LRRC72: variants seen among roughly 807,000 people sequenced by gnomAD.
LRRC72 encodes the protein leucine rich repeat containing 72, also known as leucine-rich repeat-containing protein 72.
Under a neutral mutation model 35.8 loss-of-function variants are expected in LRRC72, and 41 were observed. The observed-to-expected ratio is 1.15, with a 90% confidence interval of 0.89 to 1.49. The LOEUF (loss-of-function observed/expected upper bound fraction) is 1.49, where lower values mean the gene tolerates loss of function less well. Among genes scored for constraint, LRRC72 ranks in the 40% most tolerant of loss-of-function variants. The probability of loss-of-function intolerance (pLI) is 0.00; values close to 1 mark genes in which losing one functional copy is unlikely to be tolerated. For missense variants in LRRC72, 389 were observed against 330.7 expected (o/e 1.18, Z -1.37); for synonymous variants, 118 against 119.2 (o/e 0.99, Z 0.07).
chr7:16,532,888 G>A, intron 2 of LRRC72: 1 of 324,590 alleles, frequency 3.1e-6, no homozygotes, highest in South Asian at 3.4e-5. Context: ...ACATCCAGTT[G>A]AATTTGAATT....
intron 5 of LRRC72, 122 bp from the exon 6 acceptor site, chr7:16,566,191 T>C (rs1782834981): frequency 1.7e-6 from 1 of 586,052 alleles, no homozygotes; most frequent in African/African-American, 1.9e-5. Context: ...TTGCTTGATA[T>C]GGAGAAGAGC....
intron 5 of LRRC72, among the ~76,000 whole-genome samples, chr7:16,563,575 T>C (rs1367940546): frequency 6.6e-6 from 1 of 152,204 alleles, no homozygotes; most frequent in African/African-American, 2.4e-5. Context: ...ATAGAAGGCT[T>C]TCAGAACATT....
chr7:16,526,946 T>TCCTTCG lies in LRRC72; in HGVS notation c.-7_-6insCCTTCG. Reference sequence around the variant, plus strand: ...ATCACCGCTGCTTCGGCCGCCCATGTGTCCTGATGTCCTGGGACCCGAACC... The same window carrying TCCTTCG: ...ATCACCGCTGCTTCGGCCGCCCATGTCCTTCGGTCCTGATGTCCTGGGACCCGAACC... On this transcript the variant is annotated 5_prime_UTR_variant, in exon 1 of 9. Transcript: ENST00000401542. The TCCTTCG allele has an allele frequency of 6.5e-7, 1 of 1,539,148 alleles. No individual in the cohort carries two copies. The highest frequency in any genetic ancestry group is 8.7e-7 in the Non-Finnish European group (1 of 1,146,798).
rs1333647636 is a variant in LRRC72, at chr7:16,581,410, C to T, written c.785C>T (p.Thr262Ile). Residue 262 changes from threonine (T) to isoleucine (I), a missense_variant, in exon 9 of 9, where the codon ACA (threonine) becomes ATA (isoleucine). Coordinates refer to ENST00000401542, the MANE Select transcript of LRRC72 (RefSeq NM_001195280.2). ...ACTTTGACCTCTATGAACTGGGACA[C>T]AGTTCCAACACGAGAGGAAAGGTAC... ...VMTLTSMNWD[T>I]VPTREERYLE... 4 of 1,550,098 alleles carry T rather than the reference C, an allele frequency of 2.6e-6. No homozygotes were observed. Among genetic ancestry groups the T allele is most frequent in the South Asian group, 1.2e-5 (1 of 83,862 alleles).
intron 1 of LRRC72, chr7:16,530,222 G>C (rs1447843293): frequency 6.6e-6 from 1 of 152,202 alleles, no homozygotes; most frequent in African/African-American, 2.4e-5. Flanking sequence ...ACAATCTGCT[G>C]TCTGCAATCT....
intron 1 of LRRC72, among the ~76,000 whole-genome samples, chr7:16,528,259 A>G (rs1782106619): frequency 6.6e-6 from 1 of 151,856 alleles, no homozygotes; most frequent in Non-Finnish European, 1.5e-5. Flanking sequence ...CCATGTAGAC[A>G]CTTCATCGTG....
At chr7:16,574,034 CA>C (rs1222316056) in intron 7 of LRRC72, among the ~76,000 whole-genome samples, 1 of 152,030 alleles carries the variant, frequency 6.6e-6, no homozygotes, top group Non-Finnish European at 1.5e-5. Context: ...ATGCAGCCAA[CA>C]AACATACGAA....
intron 5 of LRRC72, among the ~76,000 whole-genome samples, chr7:16,559,981 T>C (rs1427637113): frequency 6.6e-6 from 1 of 151,888 alleles, no homozygotes; most frequent in African/African-American, 2.4e-5. Flanking sequence ...AACTAACCTA[T>C]TGGAAAGAAG....
At chr7:16,544,833 G>A (rs530825934) in intron 3 of LRRC72, among the ~76,000 whole-genome samples, 7 of 152,166 alleles carry the variant, frequency 4.6e-5, no homozygotes, top group Non-Finnish European at 1.0e-4. Flanking sequence ...GCCTCACCAA[G>A]CAAGTATTCA....
chr7:16,553,671 C>T (rs73078928), intron 3 of LRRC72, among the ~76,000 whole-genome samples: 23,981 of 152,160 alleles, frequency 0.16, 2,552 homozygotes, highest in Non-Finnish European at 0.24. Context: ...GCCAAGGATG[C>T]TAATGTACAA....
At chr7:16,538,369 C>T (rs900657942) in intron 3 of LRRC72, among the ~76,000 whole-genome samples, 9 of 152,158 alleles carry the variant, frequency 5.9e-5, no homozygotes, top group Non-Finnish European at 5.9e-5. Context: ...TGATCCTTCC[C>T]GTTATAGCTT....
Position 16,527,027 on chromosome 7 carries a change from A to G in LRRC72, c.75A>G (p.Leu25=). The G allele has an allele frequency of 6.5e-7, 1 of 1,538,752 alleles. No homozygotes were observed. The highest frequency in any genetic ancestry group is 8.7e-7 in the Non-Finnish European group (1 of 1,146,890). The change falls in exon 1 of 9, where the codon CTA becomes CTG. Residue 25 remains leucine (L), a synonymous_variant. Transcript: ENST00000401542. ...WRLRRASETA[L]QSSRRAVEDQ... is the part of the protein sequence containing the mutation. Reference sequence around the variant, plus strand: ...TACGGAGGGCATCCGAAACTGCCCTACAGAGCAGTCGCCGGGTAAGCGGCA... The same window carrying G: ...TACGGAGGGCATCCGAAACTGCCCTGCAGAGCAGTCGCCGGGTAAGCGGCA...
At chr7:16,559,646 A>C (rs1371559970) in intron 5 of LRRC72, among the ~76,000 whole-genome samples, 1 of 152,122 alleles carries the variant, frequency 6.6e-6, no homozygotes, top group African/African-American at 2.4e-5. Flanking sequence ...CTATAGGGAC[A>C]GCAACACCGA....
intron 7 of LRRC72, among the ~76,000 whole-genome samples, chr7:16,569,446 C>T (rs760405942): frequency 6.6e-6 from 1 of 152,072 alleles, no homozygotes; most frequent in Non-Finnish European, 1.5e-5. Context: ...CAGGTCTCCT[C>T]AGAAGACCTT....
chr7:16,550,123 G>GT (rs1350190346), intron 3 of LRRC72, among the ~76,000 whole-genome samples: 1 of 152,110 alleles, frequency 6.6e-6, no homozygotes, highest in African/African-American at 2.4e-5. Context: ...GGATGCTGAG[G>GT]TGGGAGGATG....
intron 5 of LRRC72, 37 bp from the exon 6 acceptor site, chr7:16,566,276 A>T: frequency 7.4e-7 from 1 of 1,348,902 alleles, no homozygotes; most frequent in Non-Finnish European, 1.0e-6. Context: ...ACTGATTTTG[A>T]AATCTGACAT....
intron 7 of LRRC72, among the ~76,000 whole-genome samples, chr7:16,578,003 G>A (rs1333838900): frequency 2.6e-5 from 4 of 152,142 alleles, no homozygotes; most frequent in African/African-American, 9.7e-5. Flanking sequence ...ATTTGACACA[G>A]CAACTAAATT....
At chr7:16,564,089 G>A (rs2033590268) in intron 5 of LRRC72, among the ~76,000 whole-genome samples, 2 of 152,144 alleles carry the variant, frequency 1.3e-5, no homozygotes, top group South Asian at 2.1e-4. Context: ...AAGAGAAGAC[G>A]AAGGGTACAC....
chr7:16,567,898 A>T (rs1467803088), intron 7 of LRRC72, among the ~76,000 whole-genome samples: 2 of 152,156 alleles, frequency 1.3e-5, no homozygotes, highest in African/African-American at 4.8e-5. Flanking sequence ...TTAAGTCTAT[A>T]TAATTTTTGA....
Sources: allele counts gnomAD v4.1 joint callset (sites outside exome capture counted in the v4.1 genomes callset), GRCh38; gene constraint gnomAD v4.1.1; transcripts MANE v1.5; gene names NCBI Gene and HGNC (gene_info 2026-07-23, HGNC 2026-07-21).